The following ZNF853 variants were observed in gnomAD, a reference collection of about 807,000 sequenced individuals.
The protein encoded by ZNF853 is zinc finger protein 853.
In ZNF853, 57 loss-of-function variants were observed where a neutral mutation model predicts 94.7. That is an observed-to-expected ratio of 0.60 (90% CI 0.49 to 0.75). The LOEUF is 0.75. Among genes scored for constraint, ZNF853 ranks in the 30% least tolerant of loss-of-function variants. The pLI is 0.00. For missense variants in ZNF853, 785 were observed against 868.9 expected (o/e 0.90, Z 1.21); for synonymous variants, 448 against 406.3 (o/e 1.10, Z -1.23).
chr7:6,621,600 G>T lies in ZNF853; in HGVS notation c.609G>T (p.Leu203=), dbSNP rs1025341143. ...QLQQQVQEQQ[L]LQQQQEQLQQ... ...AGCAGCAAGTGCAAGAGCAACAGCT[G>T]TTACAGCAACAGCAGGAACAGTTAC... The change falls in exon 3 of 3, where the codon CTG becomes CTT. Residue 203 remains leucine, a synonymous_variant. Coordinates refer to ENST00000457543, the MANE Select transcript of ZNF853 (RefSeq NM_017560.3). The T allele has an allele frequency of 1.9e-6, 3 of 1,551,428 alleles. No homozygotes were observed. In the Admixed American group the frequency reaches 5.9e-5, roughly 30 times the overall value.
Position 6,617,081 on chromosome 7 carries a change from G to A in ZNF853, c.13-109G>A. 4.4e-5 allele frequency: 34 copies of A among 771,712 alleles called. 1 individual carries two copies. The highest frequency in any genetic ancestry group is 3.4e-4 in the Middle Eastern group (1 of 2,928). 47.8% of individuals were successfully genotyped at this position (771,712 alleles called of 1,614,324 possible). A position where few individuals can be genotyped will look rare whatever the true frequency, so the allele number is the denominator to read the frequency against. On this transcript the variant is annotated intron_variant, in intron 1 of 2. Transcript: ENST00000457543. The stretch of plus-strand genomic sequence containing the variant: ...AGTTGCAGCAGGTATGGAGCTGACC[G>A]CTCTGGGTGGCCCGAGGCAGAGGTG...
chr7:6,623,538 C>G lies in ZNF853; in HGVS notation c.*567C>G, dbSNP rs764382398. Reference sequence around the variant, plus strand: ...AAAATTCATCAGGGTGGGTATAATTCTGATGAAAACGCCTGTGTTCATCAA... The same window carrying G: ...AAAATTCATCAGGGTGGGTATAATTGTGATGAAAACGCCTGTGTTCATCAA... On this transcript the variant is annotated 3_prime_UTR_variant, in exon 3 of 3. Transcript: ENST00000457543. 5 of 393,378 alleles carry G rather than the reference C, an allele frequency of 1.3e-5. No homozygotes were observed. The highest frequency in any genetic ancestry group is 2.1e-5 in the African/African-American group (1 of 48,532). The allele number at this position is 393,378 out of a possible 1,614,324, so 24.4% of individuals were successfully genotyped here.
At chr7:6,617,691 T>G in intron 2 of ZNF853, 1 of 975,688 alleles carries the variant, frequency 1.0e-6, no homozygotes, top group East Asian at 1.1e-4. Context: ...CCTCTGCCCC[T>G]CCTGCCCCAG....
rs1806552 is a variant in ZNF853, at chr7:6,617,266, A to G, written c.89A>G (p.Gln30Arg). ...ACCGAGACCTTCGTGCTGGAACTTC[A>G]ATGTCTTGAGGATGGGGGCCCAGGG... is the stretch of plus-strand genomic sequence containing the variant. The part of the protein sequence containing the change: ...PATETFVLEL[Q>R]CLEDGGPGPD... The change falls in exon 2 of 3, where the codon CAA becomes CGA. Residue 30 changes from glutamine to arginine, a missense_variant. Physicochemically the swap from Gln to Arg is conservative, Grantham distance 43. Coordinates refer to ENST00000457543, the MANE Select transcript of ZNF853 (RefSeq NM_017560.3). 893,067 of 1,517,364 alleles carry G rather than the reference A, an allele frequency of 0.59. 271,545 individuals are homozygous for G. Among genetic ancestry groups the G allele is most frequent in the African/African-American group, 0.88 (62,576 of 71,188 alleles). 94.0% of individuals were successfully genotyped at this position (1,517,364 alleles called of 1,614,324 possible).
Position 6,623,947 on chromosome 7 carries a change from GCTGC to G in ZNF853, c.*980_*983del, listed in dbSNP as rs1412360975. ...GCACCAGGCTGTGGAGGTTTGGAGG[GCTGC>G]CTGAGCAGACACTGTGCCATTGCTG... On this transcript the variant is annotated 3_prime_UTR_variant, in exon 3 of 3. Transcript: ENST00000457543. The G allele has an allele frequency of 1.3e-5, 2 of 152,416 alleles. No individual in the cohort carries two copies. Among genetic ancestry groups the G allele is most frequent in the Non-Finnish European group, 2.9e-5 (2 of 68,194 alleles). 9.4% of individuals were successfully genotyped at this position (152,416 alleles called of 1,614,324 possible).
At position 6,622,766 on chromosome 7, in the gene ZNF853, C is replaced by T. The variant is rs535055295; in HGVS notation, c.1775C>T (p.Ser592Leu). ...SNLLRHRRTHSGERPYVCEDC... is the reference protein window; with the variant it reads ...SNLLRHRRTHLGERPYVCEDC... The stretch of plus-strand genomic sequence containing the variant: ...CTGCTGCGCCACCGGCGCACGCACT[C>T]GGGCGAGCGGCCCTACGTGTGCGAG... The change falls in exon 3 of 3, where the codon TCG becomes TTG. Residue 592 changes from serine to leucine, a missense_variant. Ser to Leu is a moderately radical substitution (Grantham distance 145, BLOSUM62 -2). Coordinates refer to ENST00000457543, the MANE Select transcript of ZNF853 (RefSeq NM_017560.3). The T allele has an allele frequency of 2.8e-5, 44 of 1,545,596 alleles. No homozygotes were observed. Among genetic ancestry groups the T allele is most frequent in the Non-Finnish European group, 3.4e-5 (39 of 1,148,684 alleles).
In ZNF853 at chr7:6,621,234, A is replaced by G. The variant is rs1782592643; in HGVS notation, c.243A>G (p.Glu81=). 1.4e-5 allele frequency: 22 copies of G among 1,546,768 alleles called. No individual in the cohort carries two copies. Among genetic ancestry groups the G allele is most frequent in the Non-Finnish European group, 1.9e-5 (22 of 1,144,122 alleles). Residue 81 remains glutamate, a synonymous_variant, in exon 3 of 3, where the codon GAA becomes GAG. Transcript: ENST00000457543. The part of the protein sequence containing the change: ...APVGASEIAE[E]TRPGQRELQL... The stretch of plus-strand genomic sequence containing the variant: ...TGGGGGCCAGTGAAATCGCTGAGGA[A>G]ACCCGGCCGGGACAACGAGAGTTGC...
rs1326970244 is a variant in ZNF853 at position 6,623,044 on chromosome 7, G to A, written c.*73G>A. ...TCCACCTGAAAAGCTCCTTGACCCGGGTTCATGGGCGCTGGAGGCGTCCTG... is the reference window on the plus strand; with the variant it reads ...TCCACCTGAAAAGCTCCTTGACCCGAGTTCATGGGCGCTGGAGGCGTCCTG... On this transcript the variant is annotated 3_prime_UTR_variant, in exon 3 of 3. Transcript: ENST00000457543. 2.0e-5 allele frequency: 24 copies of A among 1,218,220 alleles called. No individual in the cohort carries two copies. Among genetic ancestry groups the A allele is most frequent in the Non-Finnish European group, 1.4e-5 (14 of 975,096 alleles). The allele number at this position is 1,218,220 out of a possible 1,614,324, so 75.5% of individuals were successfully genotyped here. A position where few individuals can be genotyped will look rare whatever the true frequency, so the allele number is the denominator to read the frequency against.
At chr7:6,617,475 C>G in intron 2 of ZNF853, 168 bp downstream of exon 2, 2 of 646,152 alleles carry the variant, frequency 3.1e-6, no homozygotes, top group African/African-American at 4.0e-5. Flanking sequence ...CTGTGTCAGG[C>G]AGGCTGAGGC....
At position 6,621,424 on chromosome 7, in the gene ZNF853, G is replaced by A; in HGVS notation, c.433G>A (p.Glu145Lys). 6.4e-7 allele frequency: 1 copy of A among 1,551,712 alleles called. No homozygotes were observed. The highest frequency in any genetic ancestry group is 8.7e-7 in the Non-Finnish European group (1 of 1,146,992). Residue 145 changes from glutamate to lysine, a missense_variant, in exon 3 of 3, where the codon GAA becomes AAA. Physicochemically the swap from Glu to Lys is moderately conservative, Grantham distance 56 (BLOSUM62 1). Transcript: ENST00000457543. ...AAAACACCAATCCGTGCACCATCAG[G>A]AACTGAAACCAGAACTGCAGCTAAT... ...QEKHQSVHHQ[E>K]LKPELQLMHQ...
chr7:6,616,654 G>C, intron 1 of ZNF853, among the ~76,000 whole-genome samples: 1 of 151,806 alleles, frequency 6.6e-6, no homozygotes. Flanking sequence ...AGAATCGCTT[G>C]AACTGGGGAG....
chr7:6,616,686 G>C, intron 1 of ZNF853, among the ~76,000 whole-genome samples: 1 of 151,250 alleles, frequency 6.6e-6, no homozygotes, highest in Non-Finnish European at 1.5e-5. Flanking sequence ...AGTGAGTCCA[G>C]ATCGCACCAC....
Position 6,621,286 on chromosome 7 carries a change from G to A in ZNF853, c.295G>A (p.Glu99Lys), listed in dbSNP as rs1365322464. The A allele has an allele frequency of 1.9e-6, 3 of 1,550,940 alleles. No individual in the cohort carries two copies. The highest frequency in any genetic ancestry group is 2.4e-5 in the South Asian group (2 of 84,022). Residue 99 changes from glutamate to lysine, a missense_variant, in exon 3 of 3, where the codon GAG becomes AAG. Glu to Lys is a moderately conservative substitution (Grantham distance 56). Transcript: ENST00000457543. Reference protein sequence around the residue: ...LQLQQLEQQPEPQQQPQHEQL... With the variant: ...LQLQQLEQQPKPQQQPQHEQL... ...ACTGCAGCAGTTAGAACAGCAGCCC[G>A]AGCCGCAGCAACAGCCGCAACACGA...
In ZNF853 at chr7:6,615,928, G is replaced by A. The variant is rs1583425928; in HGVS notation, c.-247G>A. ...CCTGCCTCCCGCCCCAGCCCCCGCC[G>A]GAGAGTCTCCACCAACTTCTGCTCG... On this transcript the variant is annotated 5_prime_UTR_variant, in exon 1 of 3. Transcript: ENST00000457543. This position sits in a 1 kb window ranked among gnomAD's most constrained non-coding sequence, Gnocchi z 8.5. 2 of 390,164 alleles carry A rather than the reference G, an allele frequency of 5.1e-6. No individual in the cohort carries two copies. The highest frequency in any genetic ancestry group is 9.2e-6 in the Non-Finnish European group (2 of 216,642). The allele number at this position is 390,164 out of a possible 1,614,324, so 24.2% of individuals were successfully genotyped here.
rs1279663966 is a variant in ZNF853 at position 6,616,129 on chromosome 7, C to T, written c.-46C>T. On this transcript the variant is annotated 5_prime_UTR_variant, in exon 1 of 3. Coordinates refer to ENST00000457543, the MANE Select transcript of ZNF853 (RefSeq NM_017560.3). The stretch of plus-strand genomic sequence containing the variant: ...CGCCGTGGCCTTCACCTCGCAGCCT[C>T]TGCTGACCACACCTCCCTAGCGCAG... 1 of 1,540,832 alleles carries T rather than the reference C, an allele frequency of 6.5e-7. No individual in the cohort carries two copies. The highest frequency in any genetic ancestry group is 8.8e-7 in the Non-Finnish European group (1 of 1,140,992).
In ZNF853 at chr7:6,622,453, G is replaced by A; in HGVS notation, c.1462G>A (p.Gly488Arg). ...CGCTCGGGACCGGCCGACCATCTGC[G>A]GGGAGTGCGGCAAGGGCTTCAGCCG... The part of the protein sequence containing the change: ...RRARDRPTIC[G>R]ECGKGFSRST... The change falls in exon 3 of 3, where the codon GGG (glycine) becomes AGG (arginine). Residue 488 changes from glycine to arginine, a missense_variant. Transcript: ENST00000457543. 5 of 1,512,998 alleles carry A rather than the reference G, an allele frequency of 3.3e-6. No homozygotes were observed. Among genetic ancestry groups the A allele is most frequent in the Non-Finnish European group, 4.4e-6 (5 of 1,134,360 alleles). 93.7% of individuals were successfully genotyped at this position (1,512,998 alleles called of 1,614,324 possible).
rs758607776 is a variant in ZNF853 at position 6,622,640 on chromosome 7, T to G, written c.1649T>G (p.Phe550Cys). 6.3e-7 allele frequency: 1 copy of G among 1,580,484 alleles called. No homozygotes were observed. Among genetic ancestry groups the G allele is most frequent in the Non-Finnish European group, 8.6e-7 (1 of 1,164,284 alleles). Residue 550 changes from phenylalanine to cysteine, a missense_variant, in exon 3 of 3, where the codon TTC becomes TGC. Transcript: ENST00000457543. ...GCCTGCTCCTACTGCGCCAAGCGCT[T>G]CAGCGAGAGCTCGGCGCTCGTGCAG... ...PYACSYCAKR[F>C]SESSALVQHQ...
rs571749551 is a variant in ZNF853 at position 6,616,144 on chromosome 7, C to T, written c.-31C>T. 1.5e-4 allele frequency: 234 copies of T among 1,547,032 alleles called. 1 individual carries two copies. The African/African-American group carries it at 3.0e-3, about 20-fold the overall frequency. ...CTCGCAGCCTCTGCTGACCACACCTCCCTAGCGCAGAGGCTGCCCGGGAGC... is the reference window on the plus strand; with the variant it reads ...CTCGCAGCCTCTGCTGACCACACCTTCCTAGCGCAGAGGCTGCCCGGGAGC... On this transcript the variant is annotated 5_prime_UTR_variant, in exon 1 of 3. Transcript: ENST00000457543.
Position 6,621,188 on chromosome 7 carries a change from G to T in ZNF853, c.197G>T (p.Arg66Leu). ...CAGGAGAGGAACAGCAGTCCACAGCGGCCAGCAGTCTCGGCCCCAGTGGGG... is the reference window on the plus strand; with the variant it reads ...CAGGAGAGGAACAGCAGTCCACAGCTGCCAGCAGTCTCGGCCCCAGTGGGG... ...EPQERNSSPQ[R>L]PAVSAPVGAS... The change falls in exon 3 of 3, where the codon CGG becomes CTG. Residue 66 changes from arginine to leucine, a missense_variant. Coordinates refer to ENST00000457543, the MANE Select transcript of ZNF853 (RefSeq NM_017560.3). 6.6e-7 allele frequency: 1 copy of T among 1,511,218 alleles called. No individual in the cohort carries two copies. Among genetic ancestry groups the T allele is most frequent in the Non-Finnish European group, 8.9e-7 (1 of 1,128,030 alleles). The allele number at this position is 1,511,218 out of a possible 1,614,324, so 93.6% of individuals were successfully genotyped here. A position where few individuals can be genotyped will look rare whatever the true frequency, so the allele number is the denominator to read the frequency against.
Sources: allele counts gnomAD v4.1 joint callset (sites outside exome capture counted in the v4.1 genomes callset), GRCh38; gene constraint gnomAD v4.1.1; non-coding constraint Gnocchi (gnomAD v3.1); transcripts MANE v1.5; gene names NCBI Gene and HGNC (gene_info 2026-07-23, HGNC 2026-07-21).